RBPJ: variants seen among roughly 807,000 people sequenced by gnomAD.
RBPJ encodes the protein recombining binding protein suppressor of hairless.
Under a neutral mutation model 67.8 loss-of-function variants are expected in RBPJ, and 9 were observed. The observed-to-expected ratio is 0.13, with a 90% confidence interval of 0.08 to 0.23. The LOEUF (loss-of-function observed/expected upper bound fraction) is 0.23, where lower values mean the gene tolerates loss of function less well. Ranked by LOEUF, RBPJ falls within the 10% of genes least tolerant of loss-of-function variation. RBPJ has a pLI of 1.00. For synonymous variants in RBPJ, 198 were observed against 203.3 expected, an observed-to-expected ratio of 0.97 and a Z score of 0.22; for missense variants, 305 against 595.6, an observed-to-expected ratio of 0.51 and a Z score of 5.08.
intron 1 of RBPJ, among the ~76,000 whole-genome samples, chr4:26,293,150 C>G (rs1322952856): frequency 1.3e-5 from 2 of 150,196 alleles, no homozygotes; most frequent in Non-Finnish European, 3.0e-5. Flanking sequence ...TGGGGTCCTT[C>G]TACTGCATAA....
intron 1 of RBPJ, among the ~76,000 whole-genome samples, chr4:26,225,135 C>A (rs528520587): frequency 1.4e-4 from 22 of 152,066 alleles, no homozygotes; most frequent in Admixed American, 2.6e-4. Context: ...CTATCGGGAA[C>A]CAAAATTTTA....
At chr4:26,319,586 G>A (rs913532064), upstream of RBPJ, 22 of 530,734 alleles carry the variant, frequency 4.1e-5, no homozygotes, top group African/African-American at 4.0e-5. Flanking sequence ...GATTTGGGGC[G>A]AAAGCTTAGG....
At chr4:26,181,673 C>G (rs778031533) in intron 1 of RBPJ, among the ~76,000 whole-genome samples, 25 of 152,184 alleles carry the variant, frequency 1.6e-4, no homozygotes, top group African/African-American at 5.3e-4. Context: ...AAACCAGTTC[C>G]TAGGCAACAA....
At chr4:26,227,268 A>C (rs1719107270) in intron 1 of RBPJ, among the ~76,000 whole-genome samples, 1 of 152,214 alleles carries the variant, frequency 6.6e-6, no homozygotes, top group Non-Finnish European at 1.5e-5. Context: ...CAGGTGGTTA[A>C]GTGGACTCTG....
intron 3 of RBPJ, among the ~76,000 whole-genome samples, chr4:26,411,415 G>A (rs978335073): frequency 6.6e-5 from 10 of 150,410 alleles, no homozygotes; most frequent in African/African-American, 2.5e-4. Context: ...AGATTTTTAC[G>A]AAGTATGGGC....
chr4:26,334,097 G>T (rs575656690), intron 1 of RBPJ, among the ~76,000 whole-genome samples: 1 of 151,420 alleles, frequency 6.6e-6, no homozygotes, highest in Non-Finnish European at 1.5e-5. Flanking sequence ...CTGGAGCGCA[G>T]TGATGCTATC....
At chr4:26,315,194 G>GTA (rs1440332911), upstream of RBPJ, among the ~76,000 whole-genome samples, 1 of 85,136 alleles carries the variant, frequency 1.2e-5, no homozygotes, top group Non-Finnish European at 2.0e-5. Flanking sequence ...ATATATATAT[G>GTA]TATGTATATA....
chr4:26,269,576 T>C (rs528339613), intron 1 of RBPJ, among the ~76,000 whole-genome samples: 46 of 152,188 alleles, frequency 3.0e-4, no homozygotes, highest in African/African-American at 1.1e-3. Flanking sequence ...TATTTTAATG[T>C]GTGGCTCTCC....
chr4:26,291,458 C>A (rs1166821853), intron 1 of RBPJ, among the ~76,000 whole-genome samples: 1 of 150,838 alleles, frequency 6.6e-6, no homozygotes, highest in Non-Finnish European at 1.5e-5. Flanking sequence ...ATCAAGACAT[C>A]AAATTGTCAT....
chr4:26,398,136 C>G (rs1732349694), intron 2 of RBPJ, among the ~76,000 whole-genome samples: 9 of 151,964 alleles, frequency 5.9e-5, no homozygotes, highest in Admixed American at 5.9e-4. Flanking sequence ...TAAGTTTCTT[C>G]ATTAGAAGAC....
rs1367599535 is a variant in RBPJ at position 26,431,750 on chromosome 4, G to C, written c.*743G>C. ...GCAAAAGCTTTAAAAAAATGCCTCT[G>C]CCTTGCCTGCAATACATGCAATGTA... On this transcript the variant is annotated 3_prime_UTR_variant, in exon 11 of 11. Transcript: ENST00000355476. 6.6e-6 allele frequency: 1 copy of C among 151,856 alleles called. No homozygotes were observed. Among genetic ancestry groups the C allele is most frequent in the East Asian group, 1.9e-4 (1 of 5,186 alleles). The allele number at this position is 151,856 out of a possible 1,614,324, so 9.4% of individuals were successfully genotyped here.
chr4:26,339,951 G>A (rs1577472415), intron 1 of RBPJ, among the ~76,000 whole-genome samples: 2 of 151,970 alleles, frequency 1.3e-5, no homozygotes, highest in East Asian at 3.9e-4. Context: ...CCCGGGATGC[G>A]GAGGTTGCAG....
chr4:26,184,701 G>A (rs545767126), intron 1 of RBPJ, among the ~76,000 whole-genome samples: 5 of 152,306 alleles, frequency 3.3e-5, no homozygotes, highest in East Asian at 3.9e-4. Context: ...GGCCAAGTCC[G>A]GGATGTGGGG....
rs533834058 is a variant in RBPJ, at chr4:26,399,569, C to A, written c.60-6606C>A. On this transcript the variant is annotated intron_variant, in intron 2 of 10. Transcript: ENST00000355476. ...AAAAGTTTGAATTTTATAAGGCAAA[C>A]CACAGTCAAAAAATTGACAGAGGTA... Among the ~76,000 whole-genome samples, 7 of 151,696 alleles carry A rather than the reference C, an allele frequency of 4.6e-5. No homozygotes were observed. In the East Asian group the frequency reaches 1.4e-3, roughly 29 times the overall value.
At chr4:26,330,843 A>G (rs1724165784) in intron 1 of RBPJ, among the ~76,000 whole-genome samples, 1 of 152,232 alleles carries the variant, frequency 6.6e-6, no homozygotes. Context: ...TCTTATTTGT[A>G]TTGTACTCTT....
chr4:26,194,074 C>T (rs999843605), intron 1 of RBPJ, among the ~76,000 whole-genome samples: 2 of 152,208 alleles, frequency 1.3e-5, no homozygotes, highest in Admixed American at 6.5e-5. Context: ...CCAGTGTCAC[C>T]TGCAAAGACA....
At chr4:26,126,829 A>G in the RBPJ span, among the ~76,000 whole-genome samples, 4 of 152,242 alleles carry the variant, frequency 2.6e-5, no homozygotes, top group South Asian at 8.3e-4. Context: ...AGTTTATTGT[A>G]GGAACACAGA....
intron 1 of RBPJ, among the ~76,000 whole-genome samples, chr4:26,255,769 T>C (rs1315739034): frequency 7.1e-6 from 1 of 140,334 alleles, no homozygotes; most frequent in East Asian, 2.1e-4. Context: ...GCCACTGCAC[T>C]CCAGCCTGGG....
intron 1 of RBPJ, among the ~76,000 whole-genome samples, chr4:26,187,476 G>A (rs1472665508): frequency 1.4e-5 from 2 of 146,174 alleles, no homozygotes; most frequent in African/African-American, 2.5e-5. Context: ...CTCGAAGTAA[G>A]TATCACAAGT....
Sources: allele counts gnomAD v4.1 joint callset (sites outside exome capture counted in the v4.1 genomes callset), GRCh38; gene constraint gnomAD v4.1.1; transcripts MANE v1.5; gene names NCBI Gene and HGNC (gene_info 2026-07-23, HGNC 2026-07-21).